NSMAF: variants seen among roughly 807,000 people sequenced by gnomAD.
NSMAF encodes the protein neutral sphingomyelinase activation associated factor.
In NSMAF, 90 loss-of-function variants were observed where a neutral mutation model predicts 134.9. That is an observed-to-expected ratio of 0.67 (90% CI 0.56 to 0.79). NSMAF has a LOEUF of 0.79. Among genes scored for constraint, NSMAF ranks in the 30% least tolerant of loss-of-function variants. The pLI is 0.00. For missense variants in NSMAF, 1,010 were observed against 1,119.0 expected, an observed-to-expected ratio of 0.90 and a Z score of 1.39; for synonymous variants, 358 against 389.6, an observed-to-expected ratio of 0.92 and a Z score of 0.96.
chr8:58,658,084 A>T (rs777779468), intron 1 of NSMAF, among the ~76,000 whole-genome samples: 11 of 152,158 alleles, frequency 7.2e-5, no homozygotes, highest in Non-Finnish European at 1.5e-4. Flanking sequence ...GGCACGAATG[A>T]CTCATATCAT....
chr8:58,604,617 C>T (rs1429652806), intron 12 of NSMAF, among the ~76,000 whole-genome samples: 1 of 151,112 alleles, frequency 6.6e-6, no homozygotes, highest in East Asian at 1.9e-4. Flanking sequence ...GCCAAGTATT[C>T]CTCCTTGAAG....
chr8:58,632,920 A>G (rs1254101407), intron 5 of NSMAF, among the ~76,000 whole-genome samples: 1 of 152,104 alleles, frequency 6.6e-6, no homozygotes, highest in Non-Finnish European at 1.5e-5. Context: ...ATACCCTGCG[A>G]CCAATCCGTC....
At chr8:58,601,176 T>A (rs962606882) in intron 16 of NSMAF, 109 bp downstream of exon 16, 25 of 936,352 alleles carry the variant, frequency 2.7e-5, no homozygotes, top group Non-Finnish European at 4.0e-5. Flanking sequence ...AATTAGTGAT[T>A]TTTTACATTT....
At chr8:58,599,065 G>A (rs779623860) in intron 19 of NSMAF, among the ~76,000 whole-genome samples, 167 bp downstream of exon 19, 8 of 152,174 alleles carry the variant, frequency 5.3e-5, no homozygotes, top group Non-Finnish European at 1.2e-4. Flanking sequence ...GGGTCATGCA[G>A]CCAGTGGACG....
At chr8:58,653,955 T>C (rs1287996960) in intron 1 of NSMAF, among the ~76,000 whole-genome samples, 3 of 152,230 alleles carry the variant, frequency 2.0e-5, no homozygotes, top group African/African-American at 7.2e-5. Context: ...TAGTAATACA[T>C]TTTGGGTAAA....
intron 27 of NSMAF, among the ~76,000 whole-genome samples, chr8:58,586,984 C>T (rs1451118813): frequency 2.6e-5 from 4 of 152,088 alleles, no homozygotes; most frequent in Non-Finnish European, 4.4e-5. Flanking sequence ...GTGGGAGTGG[C>T]GGAATCTCTC....
chr8:58,649,027 C>T (rs1352015996), intron 1 of NSMAF, among the ~76,000 whole-genome samples: 1 of 152,226 alleles, frequency 6.6e-6, no homozygotes, highest in East Asian at 1.9e-4. Context: ...CTTGCAACCT[C>T]AGCATGGAAA....
At position 58,585,771 on chromosome 8, in the gene NSMAF, T is replaced by C. The variant is rs201287366; in HGVS notation, c.2550-10A>G. ...ATCCCAGACAAAGCACCTGCAAGAA[T>C]GATTTAGAAATAGTCCTTTCTTCAT... On this transcript the variant is annotated splice_polypyrimidine_tract_variant and intron_variant, in intron 29 of 30. Transcript: ENST00000038176. 6.2e-7 allele frequency: 1 copy of C among 1,612,422 alleles called. No homozygotes were observed. Among genetic ancestry groups the C allele is most frequent in the Non-Finnish European group, 8.5e-7 (1 of 1,178,546 alleles).
intron 9 of NSMAF, among the ~76,000 whole-genome samples, chr8:58,620,039 A>G (rs1364896042): frequency 6.6e-6 from 1 of 152,242 alleles, no homozygotes; most frequent in Non-Finnish European, 1.5e-5. Context: ...TCTCCTTGAT[A>G]TAAGGCAATA....
chr8:58,627,616 C>CA (rs1047894477), intron 6 of NSMAF, among the ~76,000 whole-genome samples: 9 of 150,960 alleles, frequency 6.0e-5, no homozygotes, highest in Non-Finnish European at 1.2e-4. Context: ...ATAACAGCTG[C>CA]AAAAAAAATA....
At chr8:58,647,497 C>T (rs1807485266) in intron 1 of NSMAF, among the ~76,000 whole-genome samples, 1 of 152,082 alleles carries the variant, frequency 6.6e-6, no homozygotes, top group Non-Finnish European at 1.5e-5. Context: ...AAATGTGATT[C>T]CCAACGTTGA....
chr8:58,638,547 A>C (rs977453105), intron 2 of NSMAF, among the ~76,000 whole-genome samples: 5 of 152,210 alleles, frequency 3.3e-5, no homozygotes, highest in African/African-American at 1.2e-4. Context: ...TTTATTTAAT[A>C]AATGGTGTTG....
chr8:58,652,381 C>A (rs1321783785), intron 1 of NSMAF, among the ~76,000 whole-genome samples: 1 of 152,204 alleles, frequency 6.6e-6, no homozygotes, highest in Non-Finnish European at 1.5e-5. Flanking sequence ...AAGGCTTGAA[C>A]CCTGGTCCCC....
At chr8:58,621,188 G>A (rs1806780456) in intron 9 of NSMAF, among the ~76,000 whole-genome samples, 1 of 152,142 alleles carries the variant, frequency 6.6e-6, no homozygotes, top group Admixed American at 6.5e-5. Flanking sequence ...TTATAAGTGA[G>A]AACATGCAGT....
chr8:58,659,045 C>T, intron 1 of NSMAF: 2 of 651,444 alleles, frequency 3.1e-6, no homozygotes, highest in East Asian at 3.4e-5. Flanking sequence ...CTAAAGGAGT[C>T]GGCAGGAAAA....
chr8:58,603,810 T>C (rs1806340489), intron 12 of NSMAF, among the ~76,000 whole-genome samples: 1 of 152,232 alleles, frequency 6.6e-6, no homozygotes, highest in South Asian at 2.1e-4. Context: ...TCTTTTAGTT[T>C]TCTTTTAGGC....
chr8:58,620,308 A>T (rs1185687536), intron 9 of NSMAF, among the ~76,000 whole-genome samples: 1 of 152,204 alleles, frequency 6.6e-6, no homozygotes, highest in East Asian at 1.9e-4. Flanking sequence ...TTCTAAGCAG[A>T]GGGAACAAGA....
chr8:58,656,570 T>C (rs995571565), intron 1 of NSMAF, among the ~76,000 whole-genome samples: 1 of 152,106 alleles, frequency 6.6e-6, no homozygotes, highest in Non-Finnish European at 1.5e-5. Context: ...CTCACGCCTG[T>C]AATCCCAGCA....
intron 26 of NSMAF, chr8:58,588,312 C>T: frequency 2.9e-6 from 2 of 693,680 alleles, no homozygotes; most frequent in Non-Finnish European, 5.0e-6. Context: ...TTTAATGATT[C>T]CTCACTTTAA....
Sources: gnomAD v4.1 joint callset for allele counts (sites outside exome capture counted in the v4.1 genomes callset) on GRCh38, gnomAD v4.1.1 for gene constraint, MANE v1.5 for transcripts, NCBI Gene and HGNC (gene_info 2026-07-23, HGNC 2026-07-21) for gene names.